RBFOX1: variants seen among roughly 807,000 people sequenced by gnomAD.
The protein encoded by RBFOX1 is RNA binding protein fox-1 homolog 1.
A neutral mutation model predicts 57.7 loss-of-function variants in RBFOX1; 8 were observed. That is an observed-to-expected ratio of 0.14 (90% CI 0.08 to 0.25). The LOEUF is 0.25. RBFOX1 is among the 10% of genes least tolerant of loss of function. The pLI, the probability that RBFOX1 is intolerant of heterozygous loss-of-function variation, is 1.00. For synonymous variants in RBFOX1, 326 were observed against 222.4 expected, an observed-to-expected ratio of 1.47 and a Z score of -4.15; for missense variants, 611 against 548.5, an observed-to-expected ratio of 1.11 and a Z score of -1.14.
chr16:5,817,334 G>C (rs1447252685), intron 3 of RBFOX1, among the ~76,000 whole-genome samples: 3 of 152,186 alleles, frequency 2.0e-5, no homozygotes, highest in African/African-American at 4.8e-5. Context: ...AAGCGAGCTT[G>C]CTGACAAGCA....
chr16:6,989,151 C>T (rs1445084858), intron 3 of RBFOX1, among the ~76,000 whole-genome samples: 1 of 152,178 alleles, frequency 6.6e-6, no homozygotes, highest in Non-Finnish European at 1.5e-5. Flanking sequence ...CCGCCTCAGC[C>T]TTCCATAGTG....
intron 1 of RBFOX1, among the ~76,000 whole-genome samples, chr16:6,146,053 T>A (rs1280350399): frequency 6.6e-6 from 1 of 152,214 alleles, no homozygotes; most frequent in Non-Finnish European, 1.5e-5. Flanking sequence ...GTCCAGCTAA[T>A]TGGCTTTACA....
intron 3 of RBFOX1, among the ~76,000 whole-genome samples, chr16:6,734,799 T>C (rs1237272341): frequency 6.6e-6 from 1 of 152,152 alleles, no homozygotes; most frequent in Non-Finnish European, 1.5e-5. Flanking sequence ...TTGTGGAAAA[T>C]ATTTTTTACG....
chr16:6,968,327 T>C (rs770564016), intron 3 of RBFOX1, among the ~76,000 whole-genome samples: 46 of 152,240 alleles, frequency 3.0e-4, no homozygotes, highest in Non-Finnish European at 5.9e-4. Context: ...ATGGAAACAA[T>C]GCAAACATTT....
intron 2 of RBFOX1, among the ~76,000 whole-genome samples, chr16:6,331,031 A>T (rs2082956678): frequency 6.6e-6 from 1 of 152,240 alleles, no homozygotes; most frequent in Admixed American, 6.5e-5. Flanking sequence ...TGCCTTGGGC[A>T]GCTCTTAAGG....
intron 4 of RBFOX1, among the ~76,000 whole-genome samples, chr16:7,445,819 A>G (rs958063105): frequency 1.3e-5 from 2 of 152,242 alleles, no homozygotes; most frequent in African/African-American, 4.8e-5. Flanking sequence ...ACAAATATTT[A>G]TAGAACCTTT....
chr16:5,817,749 C>T (rs1322104528), intron 3 of RBFOX1, among the ~76,000 whole-genome samples: 2 of 147,138 alleles, frequency 1.4e-5, no homozygotes, highest in African/African-American at 5.1e-5. Context: ...GGCTGGAGTA[C>T]AGTGGCGCAG....
intron 1 of RBFOX1, among the ~76,000 whole-genome samples, chr16:5,353,862 A>C (rs1257344368): frequency 6.6e-6 from 1 of 152,116 alleles, no homozygotes; most frequent in Non-Finnish European, 1.5e-5. Flanking sequence ...GAGATCAACA[A>C]GACATGGCCT....
chr16:5,424,792 G>T (rs189766111), intron 1 of RBFOX1, among the ~76,000 whole-genome samples: 9 of 151,804 alleles, frequency 5.9e-5, no homozygotes, highest in African/African-American at 2.2e-4. Flanking sequence ...AGGAAGTCCA[G>T]GCTCATGGTG....
rs139017600 is a variant in RBFOX1, at chr16:5,910,348, C to T, written c.351+43013C>T. Among the ~76,000 whole-genome samples the T allele has an allele frequency of 4.8e-3, 727 of 152,188 alleles. 11 individuals carry two copies. The highest frequency in any genetic ancestry group is 0.017 in the African/African-American group (705 of 41,526). On this transcript the variant is annotated intron_variant, in intron 4 of 19. Transcript: ENST00000641259. ...TCCATAGCACCCCAAATTCAGTGCACCCTCTAGGAGGTACCAGAGCCTTCT... is the reference window on the plus strand; with the variant it reads ...TCCATAGCACCCCAAATTCAGTGCATCCTCTAGGAGGTACCAGAGCCTTCT...
At chr16:6,436,131 A>G (rs768692265) in intron 2 of RBFOX1, among the ~76,000 whole-genome samples, 2 of 152,142 alleles carry the variant, frequency 1.3e-5, no homozygotes, top group Non-Finnish European at 2.9e-5. Context: ...AAAAAGAAAT[A>G]TGCATTTTCT....
intron 1 of RBFOX1, among the ~76,000 whole-genome samples, chr16:6,307,852 T>C (rs1315575555): frequency 1.4e-5 from 2 of 147,056 alleles, no homozygotes; most frequent in Non-Finnish European, 3.0e-5. Context: ...GGATTATTAC[T>C]TTTATATTTC....
intron 1 of RBFOX1, among the ~76,000 whole-genome samples, chr16:6,257,715 G>C (rs753491451): frequency 4.6e-5 from 7 of 152,082 alleles, no homozygotes; most frequent in African/African-American, 7.2e-5. Context: ...AAGGACAATG[G>C]CCTCCAGCTC....
intron 2 of RBFOX1, among the ~76,000 whole-genome samples, chr16:5,538,664 T>C (rs2044802949): frequency 6.6e-6 from 1 of 151,782 alleles, no homozygotes; most frequent in South Asian, 2.1e-4. Context: ...TTACCCTTGT[T>C]GCCTAGGCTG....
At chr16:6,260,402 C>T (rs1176479374) in intron 1 of RBFOX1, among the ~76,000 whole-genome samples, 3 of 151,986 alleles carry the variant, frequency 2.0e-5, no homozygotes, top group South Asian at 2.1e-4. Flanking sequence ...AATGTTGCAG[C>T]CAGGTTGGAA....
intron 1 of RBFOX1, among the ~76,000 whole-genome samples, chr16:6,138,589 G>A (rs2096686509): frequency 6.6e-6 from 1 of 152,100 alleles, no homozygotes; most frequent in African/African-American, 2.4e-5. Flanking sequence ...AATAATAGGA[G>A]CACCATGGTG....
At chr16:5,573,927 C>T (rs1008052492) in intron 2 of RBFOX1, among the ~76,000 whole-genome samples, 7 of 152,200 alleles carry the variant, frequency 4.6e-5, no homozygotes, top group South Asian at 2.1e-4. Flanking sequence ...GCACTCCAAC[C>T]TGGGCAACAG....
intron 4 of RBFOX1, among the ~76,000 whole-genome samples, chr16:7,250,314 GT>G (rs1420684035): frequency 5.3e-5 from 8 of 152,164 alleles, no homozygotes; most frequent in Non-Finnish European, 1.0e-4. Flanking sequence ...TCCTGGGAGC[GT>G]GGGATGCTTA....
intron 15 of RBFOX1, chr16:7,710,373 A>G: frequency 1.5e-6 from 2 of 1,358,612 alleles, no homozygotes; most frequent in African/African-American, 1.5e-5. Context: ...CCAGCTTATA[A>G]TAGAGTCCTT....
Sources: allele counts gnomAD v4.1 joint callset (sites outside exome capture counted in the v4.1 genomes callset), GRCh38; gene constraint gnomAD v4.1.1; transcripts MANE v1.5; gene names NCBI Gene and HGNC (gene_info 2026-07-23, HGNC 2026-07-21).